Variants in CRYM observed in about 807,000 individuals in gnomAD.
The protein encoded by CRYM is ketimine reductase mu-crystallin.
Under a neutral mutation model 32.9 loss-of-function variants are expected in CRYM, and 18 were observed. That is an observed-to-expected ratio of 0.55 (90% confidence interval 0.38 to 0.81). CRYM has a LOEUF of 0.81. Ranked by LOEUF, CRYM falls within the 30% of genes least tolerant of loss-of-function variation. The pLI, the probability that CRYM is intolerant of heterozygous loss-of-function variation, is 0.00. For synonymous variants in CRYM, 153 were observed against 152.4 expected, an observed-to-expected ratio of 1.00 and a Z score of -0.03; for missense variants, 337 against 393.5, an observed-to-expected ratio of 0.86 and a Z score of 1.21.
intron 3 of CRYM, among the ~76,000 whole-genome samples, chr16:21,275,261 C>G (rs1433273909): frequency 6.6e-6 from 1 of 152,170 alleles, no homozygotes; most frequent in African/African-American, 2.4e-5. Context: ...ATTCCTTGAC[C>G]TGGAAGGTGG....
chr16:21,267,805 G>A, intron 4 of CRYM, 68 bp from the exon 5 acceptor site: 3 of 1,506,980 alleles, frequency 2.0e-6, no homozygotes, highest in Non-Finnish European at 1.8e-6. Context: ...CTGAGCCCAG[G>A]GATGCGGAGG....
intron 3 of CRYM, among the ~76,000 whole-genome samples, chr16:21,274,732 G>A (rs545226173): frequency 1.3e-4 from 20 of 151,934 alleles, no homozygotes; most frequent in African/African-American, 4.8e-4. Flanking sequence ...CACTCTCCCG[G>A]GTAGCTGAGA....
upstream of CRYM, chr16:21,279,110 G>A (rs2093393546): frequency 6.6e-6 from 1 of 152,230 alleles, no homozygotes; most frequent in Admixed American, 6.5e-5. Context: ...CTTCATGAAA[G>A]AGTGGGGAGA....
intron 1 of CRYM, chr16:21,300,275 G>C (rs1165753471): frequency 1.3e-5 from 2 of 152,130 alleles, no homozygotes; most frequent in African/African-American, 4.8e-5. Context: ...ACACTTGATA[G>C]GAGTGGGGGA....
chr16:21,272,035 T>A (rs1269876393), intron 3 of CRYM, among the ~76,000 whole-genome samples: 1 of 151,654 alleles, frequency 6.6e-6, no homozygotes, highest in Non-Finnish European at 1.5e-5. Flanking sequence ...ATTTTTTTTT[T>A]TTTTTTTGGT....
chr16:21,297,668 C>G (rs1960816629), intron 1 of CRYM, among the ~76,000 whole-genome samples: 1 of 151,926 alleles, frequency 6.6e-6, no homozygotes, highest in South Asian at 2.1e-4. Flanking sequence ...TAAATAGAAC[C>G]AACCAGAGTG....
At chr16:21,282,037 C>T (rs2093399094), upstream of CRYM, among the ~76,000 whole-genome samples, 2 of 152,204 alleles carry the variant, frequency 1.3e-5, no homozygotes, top group Non-Finnish European at 1.5e-5. Flanking sequence ...CCCATAATTC[C>T]CACATCTTGT....
At chr16:21,295,940 A>T (rs1048099624) in intron 1 of CRYM, among the ~76,000 whole-genome samples, 1 of 152,200 alleles carries the variant, frequency 6.6e-6, no homozygotes, top group African/African-American at 2.4e-5. Flanking sequence ...TCTAAAAAAA[A>T]AAAAAGAAAG....
chr16:21,290,190 T>A (rs1424805055), intron 1 of CRYM, among the ~76,000 whole-genome samples: 1 of 152,170 alleles, frequency 6.6e-6, no homozygotes, highest in Non-Finnish European at 1.5e-5. Flanking sequence ...TTTTTTCTTT[T>A]GCTGTTCACA....
chr16:21,263,425 C>T (rs905181698), intron 5 of CRYM, among the ~76,000 whole-genome samples: 2 of 152,030 alleles, frequency 1.3e-5, no homozygotes, highest in Non-Finnish European at 2.9e-5. Flanking sequence ...CAAAAACTCA[C>T]CACAGCCTCA....
At chr16:21,273,427 A>G (rs2093380143) in intron 3 of CRYM, among the ~76,000 whole-genome samples, 1 of 152,206 alleles carries the variant, frequency 6.6e-6, no homozygotes, top group Non-Finnish European at 1.5e-5. Context: ...GTGTCAACCC[A>G]AGGCTTCTTG....
intron 5 of CRYM, among the ~76,000 whole-genome samples, chr16:21,267,253 A>T (rs1466943021): frequency 1.3e-5 from 2 of 151,874 alleles, no homozygotes; most frequent in Non-Finnish European, 2.9e-5. Context: ...GCAAGCCACC[A>T]TGCCTGGCTA....
chr16:21,281,579 T>C (rs1175437041), upstream of CRYM, among the ~76,000 whole-genome samples: 2 of 152,168 alleles, frequency 1.3e-5, no homozygotes, highest in Non-Finnish European at 2.9e-5. Context: ...ATCACAGATA[T>C]TGACTAACCG....
At chr16:21,267,813 A>T in intron 4 of CRYM, 76 bp from the exon 5 acceptor site, 2 of 1,479,364 alleles carry the variant, frequency 1.4e-6, no homozygotes, top group Non-Finnish European at 1.9e-6. Context: ...AGGGATGCGG[A>T]GGGAAAGTTG....
intron 6 of CRYM, 37 bp from the exon 7 acceptor site, chr16:21,261,375 TAA>T: frequency 6.4e-7 from 1 of 1,569,360 alleles, no homozygotes; most frequent in Non-Finnish European, 8.8e-7. Flanking sequence ...GGCATGAAGC[TAA>T]AGTCTGTGCA....
In CRYM at chr16:21,277,940, C is replaced by A. The variant is rs990093673; in HGVS notation, c.170+142G>T. 1.3e-5 allele frequency: 13 copies of A among 963,296 alleles called. No homozygotes were observed. Among genetic ancestry groups the A allele is most frequent in the Non-Finnish European group, 2.0e-5 (13 of 660,970 alleles). The allele number at this position is 963,296 out of a possible 1,614,324, so 59.7% of individuals were successfully genotyped here. ...CCTGTAAAACGCCCACTTAGCACACCGGGTAGCGCCTATTAAAAGTGGCAG... is the reference window on the plus strand; with the variant it reads ...CCTGTAAAACGCCCACTTAGCACACAGGGTAGCGCCTATTAAAAGTGGCAG... On this transcript the variant is annotated intron_variant, in intron 1 of 7. Coordinates refer to ENST00000572914, the MANE Select transcript of CRYM (RefSeq NM_001376256.1). This position sits in a 1 kb window ranked among gnomAD's most constrained non-coding sequence, Gnocchi z 4.2.
Position 21,277,962 on chromosome 16 carries a change from GC to G in CRYM, c.170+119del. The G allele has an allele frequency of 8.5e-7, 1 of 1,176,922 alleles. No homozygotes were observed. The highest frequency in any genetic ancestry group is 1.2e-6 in the Non-Finnish European group (1 of 847,676). The allele number at this position is 1,176,922 out of a possible 1,614,324, so 72.9% of individuals were successfully genotyped here. ...CACCGGGTAGCGCCTATTAAAAGTG[GC>G]AGCTGTTAGCAACGGTTAGGCAAGC... On this transcript the variant is annotated intron_variant, in intron 1 of 7. Coordinates refer to ENST00000572914, the MANE Select transcript of CRYM (RefSeq NM_001376256.1). The surrounding 1 kb of genome is among the most constrained non-coding windows in gnomAD (Gnocchi z 4.2).
Position 21,277,302 on chromosome 16 carries a change from G to T in CRYM, c.324+129C>A. The T allele has an allele frequency of 1.1e-6, 1 of 941,124 alleles. No individual in the cohort carries two copies. The highest frequency in any genetic ancestry group is 1.6e-6 in the Non-Finnish European group (1 of 611,182). The allele number at this position is 941,124 out of a possible 1,614,324, so 58.3% of individuals were successfully genotyped here. A position where few individuals can be genotyped will look rare whatever the true frequency, so the allele number is the denominator to read the frequency against. On this transcript the variant is annotated intron_variant, in intron 2 of 7. Transcript: ENST00000572914. This position sits in a 1 kb window ranked among gnomAD's most constrained non-coding sequence, Gnocchi z 4.2. The stretch of plus-strand genomic sequence containing the variant: ...GACACAGATAACCTTCACTGTTGCT[G>T]GTATCCAGTCACTTGCAGAGGGGCA...
chr16:21,260,345 G>GC (rs1431629602), intron 7 of CRYM, among the ~76,000 whole-genome samples: 3 of 152,052 alleles, frequency 2.0e-5, no homozygotes, highest in Admixed American at 2.0e-4. Flanking sequence ...TTGCTCTGTT[G>GC]CCCAGGCTGG....
Sources: gnomAD v4.1 joint callset for allele counts (sites outside exome capture counted in the v4.1 genomes callset) on GRCh38, gnomAD v4.1.1 for gene constraint, Gnocchi (gnomAD v3.1) non-coding constraint, MANE v1.5 for transcripts, NCBI Gene and HGNC (gene_info 2026-07-23, HGNC 2026-07-21) for gene names.